The following DLG2 variants were observed in gnomAD, a reference collection of about 807,000 sequenced individuals.
DLG2 encodes discs large MAGUK scaffold protein 2.
Under a neutral mutation model 132.5 loss-of-function variants are expected in DLG2, and 45 were observed. The ratio of observed to expected loss-of-function variants is 0.34; its 90% CI spans 0.27 to 0.44. The LOEUF (loss-of-function observed/expected upper bound fraction) is 0.44. Among genes scored for constraint, DLG2 ranks in the 20% least tolerant of loss-of-function variants. The pLI is 1.00. For synonymous variants in DLG2, 424 were observed against 419.6 expected (o/e 1.01, Z -0.13); for missense variants, 1,045 against 1,196.9 (o/e 0.87, Z 1.87).
intron 21 of DLG2, among the ~76,000 whole-genome samples, chr11:83,527,490 T>G (rs1450511757): frequency 2.6e-5 from 4 of 152,078 alleles, no homozygotes; most frequent in African/African-American, 9.7e-5. Context: ...GCAGGAGGAT[T>G]CCTTGAGCCC....
At position 83,742,105 on chromosome 11, in the gene DLG2, A is replaced by C. The variant is rs143612227; in HGVS notation, c.1825+44585T>G. 3.8e-4 allele frequency among the ~76,000 whole-genome samples: 58 copies of C among 152,166 alleles called. No individual in the cohort carries two copies. In the East Asian group the frequency reaches 0.011, roughly 28 times the overall value. ...GCTTCAGACCAGCTAGAATACTAGAAACTTCACAAACGTTTTCTGAATAAA... is the reference window on the plus strand; with the variant it reads ...GCTTCAGACCAGCTAGAATACTAGACACTTCACAAACGTTTTCTGAATAAA... On this transcript the variant is annotated intron_variant, in intron 18 of 27. Transcript: ENST00000376104.
chr11:84,685,061 A>C (rs1362165659), intron 6 of DLG2, among the ~76,000 whole-genome samples: 1 of 152,224 alleles, frequency 6.6e-6, no homozygotes, highest in Non-Finnish European at 1.5e-5. Context: ...AGGGAATTAC[A>C]AGCATCCAGG....
intron 19 of DLG2, among the ~76,000 whole-genome samples, chr11:83,603,212 T>C (rs2058828710): frequency 1.3e-5 from 2 of 152,192 alleles, no homozygotes; most frequent in Non-Finnish European, 2.9e-5. Flanking sequence ...ACAAAGAATA[T>C]TAACAGTGAC....
At position 83,932,193 on chromosome 11, in the gene DLG2, A is replaced by C. The variant is rs914396399; in HGVS notation, c.1341-1710T>G. 5.2e-4 allele frequency among the ~76,000 whole-genome samples: 79 copies of C among 152,094 alleles called. 7 individuals carry two copies. The highest frequency in any genetic ancestry group is 2.4e-5 in the African/African-American group (1 of 41,400). On this transcript the variant is annotated intron_variant, in intron 14 of 27. Coordinates refer to ENST00000376104, the MANE Select transcript of DLG2 (RefSeq NM_001142699.3). ...ACAACAACATTAAAAATATCAGTAA[A>C]AATCCCCTTTCAAGTGGCATAAAAA...
intron 3 of DLG2, among the ~76,000 whole-genome samples, chr11:85,323,756 T>C (rs1465868240): frequency 6.6e-6 from 1 of 152,248 alleles, no homozygotes; most frequent in Non-Finnish European, 1.5e-5. Flanking sequence ...TATACAATAC[T>C]TGTATTTCTG....
chr11:85,569,698 T>G (rs1185284965), intron 3 of DLG2, among the ~76,000 whole-genome samples: 6 of 152,166 alleles, frequency 3.9e-5, no homozygotes, highest in Non-Finnish European at 8.8e-5. Context: ...GAATGACTAC[T>G]ACTAAAAAGT....
intron 7 of DLG2, among the ~76,000 whole-genome samples, chr11:84,439,812 A>G (rs2099012128): frequency 6.6e-6 from 1 of 152,214 alleles, no homozygotes; most frequent in Non-Finnish European, 1.5e-5. Context: ...GGGATAAACA[A>G]TCATCCCTAA....
chr11:85,407,200 G>C (rs1597040130), intron 3 of DLG2, among the ~76,000 whole-genome samples: 1 of 151,834 alleles, frequency 6.6e-6, no homozygotes. Context: ...AAGAACTCTA[G>C]TTTAACTTAA....
chr11:84,052,972 C>T (rs2096424696), intron 11 of DLG2, among the ~76,000 whole-genome samples: 1 of 152,030 alleles, frequency 6.6e-6, no homozygotes, highest in South Asian at 2.1e-4. Context: ...GGTGTCTGTT[C>T]ATTGCAGCAC....
At chr11:84,087,888 T>C (rs907272268) in intron 10 of DLG2, among the ~76,000 whole-genome samples, 1 of 152,234 alleles carries the variant, frequency 6.6e-6, no homozygotes, top group Non-Finnish European at 1.5e-5. Context: ...GGATAATAAA[T>C]TCGCATTATT....
intron 17 of DLG2, among the ~76,000 whole-genome samples, chr11:83,802,173 A>G (rs1439003188): frequency 6.6e-6 from 1 of 152,098 alleles, no homozygotes; most frequent in Non-Finnish European, 1.5e-5. Context: ...AAAAAATTGT[A>G]GAGCAACCAA....
At chr11:85,220,460 A>T (rs114942746) in intron 4 of DLG2, among the ~76,000 whole-genome samples, 118 of 152,152 alleles carry the variant, frequency 7.8e-4, no homozygotes, top group African/African-American at 2.7e-3. Flanking sequence ...TACAAAGATA[A>T]GAGAGCAGTA....
intron 17 of DLG2, among the ~76,000 whole-genome samples, chr11:83,831,156 CT>C (rs1485419994): frequency 2.0e-5 from 3 of 152,174 alleles, no homozygotes; most frequent in African/African-American, 7.2e-5. Context: ...AGAGAATTTG[CT>C]TTCAGAGACC....
intron 3 of DLG2, among the ~76,000 whole-genome samples, chr11:85,492,043 C>T (rs973581439): frequency 2.0e-5 from 3 of 152,022 alleles, no homozygotes; most frequent in East Asian, 3.8e-4. Flanking sequence ...TAAAGCCAGA[C>T]ACATAAATCA....
intron 6 of DLG2, among the ~76,000 whole-genome samples, chr11:84,897,560 A>T (rs957131000): frequency 6.6e-6 from 1 of 151,824 alleles, no homozygotes; most frequent in Non-Finnish European, 1.5e-5. Flanking sequence ...ATTTTTTCCA[A>T]GAACTCACTT....
In DLG2 at chr11:83,911,578, A is replaced by G. The variant is rs1326770826; in HGVS notation, c.1496+18750T>C. 2.0e-5 allele frequency among the ~76,000 whole-genome samples: 3 copies of G among 152,108 alleles called. No homozygotes were observed. The South Asian group carries it at 6.2e-4, about 31-fold the overall frequency. ...CATTTAAGAATGCTGGTTTTACAGC[A>G]AAATTGTCCATCTCATGTGTTACTG... On this transcript the variant is annotated intron_variant, in intron 15 of 27. Coordinates refer to ENST00000376104, the MANE Select transcript of DLG2 (RefSeq NM_001142699.3).
chr11:84,571,215 C>A (rs1442460488), intron 6 of DLG2, among the ~76,000 whole-genome samples: 1 of 151,964 alleles, frequency 6.6e-6, no homozygotes, highest in Non-Finnish European at 1.5e-5. Context: ...CACTCCCCTA[C>A]CTCCTTTTCT....
At chr11:84,504,072 A>G (rs2099230943) in intron 7 of DLG2, among the ~76,000 whole-genome samples, 2 of 152,216 alleles carry the variant, frequency 1.3e-5, no homozygotes, top group Admixed American at 6.5e-5. Flanking sequence ...AATAGCTGTT[A>G]CCATTTGCTG....
At chr11:84,673,549 G>T (rs1335287612) in intron 6 of DLG2, among the ~76,000 whole-genome samples, 7 of 150,410 alleles carry the variant, frequency 4.7e-5, no homozygotes, top group Admixed American at 4.0e-4. Flanking sequence ...TTTGGATTAG[G>T]TGGAAAGTTA....
Sources: allele counts gnomAD v4.1 joint callset (sites outside exome capture counted in the v4.1 genomes callset), GRCh38; gene constraint gnomAD v4.1.1; transcripts MANE v1.5; gene names NCBI Gene and HGNC (gene_info 2026-07-23, HGNC 2026-07-21).